Variants in FNIP1 observed in about 807,000 individuals in gnomAD.
FNIP1 encodes the protein folliculin-interacting protein 1.
Under a neutral mutation model 124.5 loss-of-function variants are expected in FNIP1, and 40 were observed. The ratio of observed to expected loss-of-function variants is 0.32; its 90% CI spans 0.25 to 0.42. The LOEUF is 0.42. Among genes scored for constraint, FNIP1 ranks in the 10% least tolerant of loss-of-function variants. The probability of loss-of-function intolerance (pLI) is 1.00; values close to 1 mark genes in which losing one functional copy is unlikely to be tolerated. For missense variants in FNIP1, 1,176 were observed against 1,403.7 expected (o/e 0.84, Z 2.59); for synonymous variants, 472 against 470.6 (o/e 1.00, Z -0.04).
At chr5:131,675,292 C>A (rs79577858) in intron 13 of FNIP1, among the ~76,000 whole-genome samples, 3,276 of 152,302 alleles carry the variant, frequency 0.022, 58 homozygotes, top group Middle Eastern at 0.14. Context: ...CTTTTCATTT[C>A]TCTTATAGTT....
At chr5:131,693,317 C>CATATAT (rs1561658252) in intron 11 of FNIP1, among the ~76,000 whole-genome samples, 5 of 41,578 alleles carry the variant, frequency 1.2e-4, no homozygotes, top group South Asian at 8.7e-4. Context: ...TATATATATA[C>CATATAT]ACATATATAT....
intron 1 of FNIP1, among the ~76,000 whole-genome samples, chr5:131,760,807 G>C (rs1323112936): frequency 1.3e-5 from 2 of 150,124 alleles, no homozygotes; most frequent in Non-Finnish European, 3.0e-5. Flanking sequence ...GTAGAATTAG[G>C]GATTCACCAC....
At chr5:131,763,264 T>C (rs935679559) in intron 1 of FNIP1, among the ~76,000 whole-genome samples, 1 of 151,218 alleles carries the variant, frequency 6.6e-6, no homozygotes, top group Non-Finnish European at 1.5e-5. Context: ...TATTAAAATA[T>C]CTCACATACT....
At chr5:131,738,406 T>C (rs1375588281) in intron 2 of FNIP1, among the ~76,000 whole-genome samples, 1 of 152,200 alleles carries the variant, frequency 6.6e-6, no homozygotes, top group Non-Finnish European at 1.5e-5. Context: ...TATGGTGTTG[T>C]TTTCTGTTTT....
At chr5:131,692,103 G>A (rs1768500087) in intron 11 of FNIP1, among the ~76,000 whole-genome samples, 1 of 152,044 alleles carries the variant, frequency 6.6e-6, no homozygotes, top group Admixed American at 6.6e-5. Context: ...AAATAAAACA[G>A]TCTTTATTTG....
rs116439036 is a variant in FNIP1 at position 131,771,240 on chromosome 5, T to C, written c.92+25590A>G. ...AACATCTATGCTTTCTACATTATGA[T>C]TGTCTGTACCTCTAGTCTGATACTA... On this transcript the variant is annotated intron_variant, in intron 1 of 17. Coordinates refer to ENST00000510461, the MANE Select transcript of FNIP1 (RefSeq NM_133372.3). Among the ~76,000 whole-genome samples, 378 of 152,324 alleles carry C rather than the reference T, an allele frequency of 2.5e-3. 1 individual carries two copies. Among genetic ancestry groups the C allele is most frequent in the African/African-American group, 8.5e-3 (354 of 41,580 alleles).
chr5:131,656,923 GA>G (rs1216505190), intron 15 of FNIP1, among the ~76,000 whole-genome samples: 1 of 150,074 alleles, frequency 6.7e-6, no homozygotes, highest in Non-Finnish European at 1.5e-5. Context: ...GACCTTGAAG[GA>G]AAAAAGATAA....
chr5:131,774,958 C>G (rs987882384), intron 1 of FNIP1, among the ~76,000 whole-genome samples: 1 of 152,102 alleles, frequency 6.6e-6, no homozygotes, highest in Non-Finnish European at 1.5e-5. Context: ...TGTTACAAAG[C>G]TTTTACAAAT....
rs539512175 is a variant in FNIP1 at position 131,687,596 on chromosome 5, T to A, written c.1203-8421A>T. ...GAACTGAAAAATCAATGACTTTTCT[T>A]AGTTACATCACCAAACTGCGGACAG... On this transcript the variant is annotated intron_variant, in intron 11 of 17. Coordinates refer to ENST00000510461, the MANE Select transcript of FNIP1 (RefSeq NM_133372.3). Among the ~76,000 whole-genome samples, 7 of 152,340 alleles carry A rather than the reference T, an allele frequency of 4.6e-5. No homozygotes were observed. The South Asian group carries it at 8.3e-4, about 18-fold the overall frequency.
Position 131,672,023 on chromosome 5 carries a change from C to T in FNIP1, c.2421G>A (p.Glu807=). The stretch of plus-strand genomic sequence containing the variant: ...CAGAAACCATGTTCTGTGTATCAGA[C>T]TCTCCAGATTGGTCCTTGGTTGTTT... ...TKQTTKDQSG[E]SDTQNMVSEE... Residue 807 remains glutamate (E), a synonymous_variant, in exon 14 of 18, where the codon GAG becomes GAA. Transcript: ENST00000510461. 2 of 1,614,188 alleles carry T rather than the reference C, an allele frequency of 1.2e-6. No individual in the cohort carries two copies. Among genetic ancestry groups the T allele is most frequent in the Non-Finnish European group, 1.7e-6 (2 of 1,180,028 alleles).
chr5:131,651,303 G>A (rs931780369), intron 16 of FNIP1, among the ~76,000 whole-genome samples: 2 of 151,818 alleles, frequency 1.3e-5, no homozygotes, highest in Non-Finnish European at 2.9e-5. Flanking sequence ...TAAGGCAGGA[G>A]GATCACCTGA....
At chr5:131,796,075 C>CTG (rs1411137091) in intron 1 of FNIP1, 3 of 152,200 alleles carry the variant, frequency 2.0e-5, no homozygotes, top group African/African-American at 7.2e-5. Flanking sequence ...TTAACAAAGC[C>CTG]TGTAACACTA....
chr5:131,751,438 T>A (rs1163599438), intron 1 of FNIP1, among the ~76,000 whole-genome samples: 1 of 151,828 alleles, frequency 6.6e-6, no homozygotes, highest in Non-Finnish European at 1.5e-5. Flanking sequence ...AAAAAAAAGC[T>A]CCCTGAGGGA....
At chr5:131,741,451 T>C (rs1176291727) in intron 2 of FNIP1, among the ~76,000 whole-genome samples, 1 of 152,194 alleles carries the variant, frequency 6.6e-6, no homozygotes, top group Non-Finnish European at 1.5e-5. Flanking sequence ...TAAAATGTAA[T>C]AAAATACATA....
chr5:131,746,820 G>C (rs1017917716), intron 1 of FNIP1, among the ~76,000 whole-genome samples: 2 of 152,140 alleles, frequency 1.3e-5, no homozygotes, highest in Admixed American at 1.3e-4. Context: ...TCAAATGGTA[G>C]CTCTCTTTCA....
chr5:131,774,137 C>T (rs944276892), intron 1 of FNIP1, among the ~76,000 whole-genome samples: 4 of 152,186 alleles, frequency 2.6e-5, no homozygotes, highest in Admixed American at 6.5e-5. Flanking sequence ...AGTGATTCTC[C>T]GGCCTTAGCC....
chr5:131,722,189 G>C (rs1769689468), intron 3 of FNIP1, among the ~76,000 whole-genome samples: 1 of 152,186 alleles, frequency 6.6e-6, no homozygotes, highest in Admixed American at 6.6e-5. Flanking sequence ...AGTCACTACA[G>C]ATGGAGATGT....
intron 3 of FNIP1, among the ~76,000 whole-genome samples, chr5:131,719,774 T>C (rs1395092958): frequency 2.0e-5 from 3 of 152,216 alleles, no homozygotes; most frequent in Admixed American, 6.5e-5. Context: ...ATCTTATGCA[T>C]ATGCAATGTT....
chr5:131,660,964 G>A (rs998377395), intron 15 of FNIP1, among the ~76,000 whole-genome samples: 8 of 152,224 alleles, frequency 5.3e-5, no homozygotes, highest in Middle Eastern at 3.4e-3. Context: ...TCTCTAAACT[G>A]GTCTGGTGGG....
Sources: gnomAD v4.1 joint callset for allele counts (sites outside exome capture counted in the v4.1 genomes callset) on GRCh38, gnomAD v4.1.1 for gene constraint, MANE v1.5 for transcripts, NCBI Gene and HGNC (gene_info 2026-07-23, HGNC 2026-07-21) for gene names.